ATP2C1: variants seen among roughly 807,000 people sequenced by gnomAD.
The protein encoded by ATP2C1 is ATPase secretory pathway Ca2+ transporting 1.
Under a neutral mutation model 120.5 loss-of-function variants are expected in ATP2C1, and 31 were observed. The observed-to-expected ratio is 0.26, with a 90% CI of 0.19 to 0.35. The LOEUF (loss-of-function observed/expected upper bound fraction) is 0.35. Among genes scored for constraint, ATP2C1 ranks in the 10% least tolerant of loss-of-function variants. ATP2C1 has a pLI of 1.00. For missense variants in ATP2C1, 731 were observed against 1,107.5 expected (o/e 0.66, Z 4.83); for synonymous variants, 351 against 358.7 (o/e 0.98, Z 0.24).
intron 2 of ATP2C1, among the ~76,000 whole-genome samples, chr3:130,920,709 A>G (rs556817473): frequency 6.6e-6 from 1 of 152,310 alleles, no homozygotes; most frequent in African/African-American, 2.4e-5. Flanking sequence ...CCATTTCTAT[A>G]AAAAATACCA....
intron 2 of ATP2C1, among the ~76,000 whole-genome samples, chr3:130,910,066 G>T (rs986432824): frequency 1.3e-5 from 2 of 152,092 alleles, no homozygotes; most frequent in African/African-American, 4.8e-5. Context: ...TAAATGTTGA[G>T]GTGGTGGTAT....
At chr3:130,983,105 TATAGAG>T (rs2061843071) in intron 20 of ATP2C1, among the ~76,000 whole-genome samples, 1 of 152,146 alleles carries the variant, frequency 6.6e-6, no homozygotes, top group Non-Finnish European at 1.5e-5. Context: ...CATATATATA[TATAGAG>T]AGAGAGAGTT....
chr3:130,989,259 A>AAAC (rs2062182841), intron 20 of ATP2C1, among the ~76,000 whole-genome samples: 1 of 145,088 alleles, frequency 6.9e-6, no homozygotes, highest in African/African-American at 2.6e-5. Context: ...AAAAAAAAAA[A>AAAC]AACAAAAAAA....
At chr3:130,918,413 A>T in intron 2 of ATP2C1, 1 of 1,103,610 alleles carries the variant, frequency 9.1e-7, no homozygotes, top group South Asian at 1.2e-5. Context: ...TTACCTTCTC[A>T]GCAGCATGTA....
rs73201939 is a variant in ATP2C1 at position 130,998,668 on chromosome 3, G to A, written c.2487+279G>A. ...GCTGGCTATAGCTATAAGATAGATC[G>A]TGGTTAACATTATTTGAGCATAGAA... On this transcript the variant is annotated intron_variant, in intron 26 of 27. Transcript: ENST00000510168. 4.4e-3 allele frequency among the ~76,000 whole-genome samples: 668 copies of A among 152,276 alleles called. 4 individuals are homozygous for A. The highest frequency in any genetic ancestry group is 0.01 in the Middle Eastern group (3 of 294).
At chr3:130,919,044 A>G (rs1430747620) in intron 2 of ATP2C1, 3 of 496,934 alleles carry the variant, frequency 6.0e-6, no homozygotes, top group East Asian at 1.1e-4. Flanking sequence ...TCCTGCCATT[A>G]CACTGCACCT....
intron 20 of ATP2C1, among the ~76,000 whole-genome samples, chr3:130,982,342 G>A (rs2061803810): frequency 6.6e-6 from 1 of 152,210 alleles, no homozygotes; most frequent in African/African-American, 2.4e-5. Flanking sequence ...TTTGTAGGAA[G>A]GAGGTATCTC....
upstream of ATP2C1, among the ~76,000 whole-genome samples, chr3:130,891,473 C>G (rs974023945): frequency 6.6e-6 from 1 of 152,118 alleles, no homozygotes; most frequent in East Asian, 1.9e-4. Context: ...CTTTCTTGCA[C>G]GTGACCACTT....
chr3:130,918,596 TG>T, intron 2 of ATP2C1: 1 of 709,050 alleles, frequency 1.4e-6, no homozygotes, highest in Non-Finnish European at 2.7e-6. Flanking sequence ...TGTAGCCTTT[TG>T]GCCCATACTT....
intron 9 of ATP2C1, among the ~76,000 whole-genome samples, chr3:130,954,767 G>A (rs931887352): frequency 1.3e-4 from 20 of 152,238 alleles, no homozygotes; most frequent in East Asian, 9.7e-4. Context: ...CATTATAGGC[G>A]TGAGCCACAG....
At chr3:130,999,890 G>A (rs533670685) in intron 27 of ATP2C1, among the ~76,000 whole-genome samples, 9 of 152,132 alleles carry the variant, frequency 5.9e-5, no homozygotes, top group Middle Eastern at 3.4e-3. Context: ...ATCATAATAC[G>A]TGATTCTCAA....
At chr3:130,996,419 AG>A in intron 23 of ATP2C1, 1 of 581,352 alleles carries the variant, frequency 1.7e-6, no homozygotes, top group Non-Finnish European at 3.0e-6. Flanking sequence ...GTGTAGTCAA[AG>A]AACAGTTACC....
chr3:130,968,782 T>A (rs2061164746), intron 16 of ATP2C1, among the ~76,000 whole-genome samples: 1 of 152,166 alleles, frequency 6.6e-6, no homozygotes, highest in South Asian at 2.1e-4. Context: ...TTTTGATATT[T>A]AGATATTTGA....
Position 130,894,125 on chromosome 3 carries a change from C to G in ATP2C1, c.-393C>G, listed in dbSNP as rs2069351967. 1 of 965,064 alleles carries G rather than the reference C, an allele frequency of 1.0e-6. No homozygotes were observed. Among genetic ancestry groups the G allele is most frequent in the Non-Finnish European group, 1.2e-6 (1 of 811,578 alleles). 59.8% of individuals were successfully genotyped at this position (965,064 alleles called of 1,614,324 possible). ...GCGGAGCCGGCCCGGCGGACCGTGA[C>G]GGGTCCCCTCACCTCCTCTTCTCTC... On this transcript the variant is annotated 5_prime_UTR_variant, in exon 1 of 28. Coordinates refer to ENST00000510168, the MANE Select transcript of ATP2C1 (RefSeq NM_001378687.1). The surrounding 1 kb of genome is among the most constrained non-coding windows in gnomAD (Gnocchi z 4.5).
chr3:130,996,235 T>G, intron 23 of ATP2C1, 124 bp downstream of exon 23: 1 of 781,464 alleles, frequency 1.3e-6, no homozygotes, highest in Non-Finnish European at 2.2e-6. Context: ...TATGTCAGTT[T>G]TCCAAAAAGA....
chr3:130,996,617 T>A (rs1480186614), intron 23 of ATP2C1, 63 bp from the exon 24 acceptor site: 10 of 1,065,798 alleles, frequency 9.4e-6, no homozygotes, highest in Non-Finnish European at 1.5e-5. Flanking sequence ...GCTAAAAAAG[T>A]GGTATCATAG....
intron 2 of ATP2C1, among the ~76,000 whole-genome samples, chr3:130,921,113 G>T (rs186766031): frequency 7.4e-6 from 1 of 135,226 alleles, no homozygotes; most frequent in Non-Finnish European, 1.5e-5. Context: ...ACGGAGTCTC[G>T]CACAGTTTCC....
intron 10 of ATP2C1, among the ~76,000 whole-genome samples, chr3:130,955,493 A>G (rs1000909636): frequency 1.4e-4 from 22 of 152,224 alleles, no homozygotes; most frequent in African/African-American, 5.3e-4. Flanking sequence ...ATAACCTACA[A>G]GATATTCTCG....
chr3:131,010,211 G>A (rs1255954336), intron 26 of ATP2C1, among the ~76,000 whole-genome samples: 15 of 112,574 alleles, frequency 1.3e-4, no homozygotes, highest in Non-Finnish European at 2.2e-4. Context: ...TTTTTTTTGA[G>A]ATAGAGTCTT....
Sources: gnomAD v4.1 joint callset for allele counts (sites outside exome capture counted in the v4.1 genomes callset) on GRCh38, gnomAD v4.1.1 for gene constraint, Gnocchi (gnomAD v3.1) non-coding constraint, MANE v1.5 for transcripts, NCBI Gene and HGNC (gene_info 2026-07-23, HGNC 2026-07-21) for gene names.